OLFM2: variants seen among roughly 807,000 people sequenced by gnomAD.
OLFM2 encodes the protein noelin-2.
In OLFM2, 20 loss-of-function variants were observed where a neutral mutation model predicts 43.9. The observed-to-expected ratio is 0.46, with a 90% CI of 0.32 to 0.66. OLFM2 has a LOEUF of 0.66. Among genes scored for constraint, OLFM2 ranks in the 30% least tolerant of loss-of-function variants. The pLI is 0.04. For synonymous variants in OLFM2, 268 were observed against 278.6 expected (o/e 0.96, Z 0.38); for missense variants, 416 against 643.6 (o/e 0.65, Z 3.83).
At chr19:9,896,514 G>A (rs7255687) in intron 1 of OLFM2, among the ~76,000 whole-genome samples, 95,293 of 151,914 alleles carry the variant, frequency 0.63, 32,141 homozygotes, top group Non-Finnish European at 0.75. Flanking sequence ...CTCCCACCCC[G>A]GCCTCCGAAA....
intron 1 of OLFM2, among the ~76,000 whole-genome samples, chr19:9,866,147 G>C (rs2046401208): frequency 6.6e-6 from 1 of 152,218 alleles, no homozygotes; most frequent in Non-Finnish European, 1.5e-5. Context: ...GTTCTCTGCA[G>C]CAGTGTAATT....
intron 1 of OLFM2, among the ~76,000 whole-genome samples, chr19:9,920,509 G>C (rs1348011059): frequency 6.6e-6 from 1 of 152,096 alleles, no homozygotes; most frequent in Non-Finnish European, 1.5e-5. Context: ...ACCAGAGCCA[G>C]CTAATCCTGA....
intron 1 of OLFM2, among the ~76,000 whole-genome samples, chr19:9,887,481 CTCTCTT>C (rs1485836607): frequency 6.6e-6 from 1 of 152,044 alleles, no homozygotes; most frequent in Non-Finnish European, 1.5e-5. Context: ...ACCGCCCACC[CTCTCTT>C]TCTCTTATAC....
At chr19:9,861,741 T>G (rs12609594) in intron 1 of OLFM2, among the ~76,000 whole-genome samples, 66,352 of 152,152 alleles carry the variant, frequency 0.44, 16,248 homozygotes, top group Admixed American at 0.55. Flanking sequence ...CAGGGAACTC[T>G]AGACACAAAT....
At chr19:9,884,048 G>C (rs2046564387) in intron 1 of OLFM2, among the ~76,000 whole-genome samples, 1 of 151,298 alleles carries the variant, frequency 6.6e-6, no homozygotes, top group Non-Finnish European at 1.5e-5. Flanking sequence ...TGAAAGGATG[G>C]CTTGAGCCCA....
At chr19:9,918,124 C>T (rs547071298) in intron 1 of OLFM2, among the ~76,000 whole-genome samples, 2 of 152,094 alleles carry the variant, frequency 1.3e-5, no homozygotes, top group African/African-American at 4.8e-5. Context: ...AGAGATCCAC[C>T]CACCTCGGCC....
intron 2 of OLFM2, chr19:9,858,198 T>G: frequency 2.6e-6 from 1 of 392,102 alleles, no homozygotes; most frequent in South Asian, 2.1e-5. Context: ...ACCTTCCTCC[T>G]CCACAGATCC....
intron 1 of OLFM2, among the ~76,000 whole-genome samples, chr19:9,915,293 T>G (rs1429552466): frequency 6.7e-6 from 1 of 149,182 alleles, no homozygotes; most frequent in Non-Finnish European, 1.5e-5. Flanking sequence ...CCCAGGCTGG[T>G]CTCGAACCCC....
intron 1 of OLFM2, among the ~76,000 whole-genome samples, chr19:9,886,584 C>G (rs2046588921): frequency 6.6e-6 from 1 of 152,088 alleles, no homozygotes; most frequent in East Asian, 1.9e-4. Flanking sequence ...GGCAATCCAT[C>G]CTGCACAACC....
chr19:9,877,219 G>A (rs1247805035), intron 1 of OLFM2, among the ~76,000 whole-genome samples: 5 of 126,726 alleles, frequency 3.9e-5, no homozygotes, highest in South Asian at 2.6e-4. Context: ...GACAGAGTGA[G>A]ACTCCATCTC....
In OLFM2 at chr19:9,857,479, G is replaced by A. The variant is rs754702901; in HGVS notation, c.364C>T (p.Leu122=). Residue 122 remains leucine, a synonymous_variant, in exon 4 of 6, where the codon CTG becomes TTG. Coordinates refer to ENST00000264833, the MANE Select transcript of OLFM2 (RefSeq NM_058164.4). This position sits in a 1 kb window ranked among gnomAD's most constrained non-coding sequence, Gnocchi z 5.7. ...GSLSAKSFQE[L]KDRMTELLPL... ...AACAGTTCCGTCATCCTGTCCTTCA[G>A]CTCCTGTGCATCAAGATGGAACCAT... The A allele has an allele frequency of 2.5e-5, 40 of 1,613,318 alleles. No homozygotes were observed. Among genetic ancestry groups the A allele is most frequent in the Non-Finnish European group, 3.4e-5 (40 of 1,179,988 alleles).
intron 1 of OLFM2, among the ~76,000 whole-genome samples, chr19:9,890,602 G>A (rs748545534): frequency 2.6e-5 from 4 of 152,138 alleles, no homozygotes; most frequent in Non-Finnish European, 4.4e-5. Context: ...GTGTGGCCAC[G>A]TGACTTCCTT....
chr19:9,873,206 AATCACGGCGCG>A (rs1212742879), intron 1 of OLFM2, among the ~76,000 whole-genome samples: 1 of 152,056 alleles, frequency 6.6e-6, no homozygotes, highest in Non-Finnish European at 1.5e-5. Context: ...GCAGTGGTGT[AATCACGGCGCG>A]ATCACTGCTC....
At chr19:9,867,695 A>G (rs1024186914) in intron 1 of OLFM2, among the ~76,000 whole-genome samples, 2 of 152,040 alleles carry the variant, frequency 1.3e-5, no homozygotes, top group African/African-American at 4.8e-5. Context: ...GGGATTAGAT[A>G]TTTTTGGAGG....
Position 9,857,728 on chromosome 19 carries a change from G to A in OLFM2, c.347C>T (p.Ala116Val). 1 of 1,614,152 alleles carries A rather than the reference G, an allele frequency of 6.2e-7. No homozygotes were observed. The highest frequency in any genetic ancestry group is 8.5e-7 in the Non-Finnish European group (1 of 1,180,024). ...AGGAGGACCCACCTGGAAGCTCTTGGCCGAGAGGGACCCATCAGCTGCCCG... is the reference window on the plus strand; with the variant it reads ...AGGAGGACCCACCTGGAAGCTCTTGACCGAGAGGGACCCATCAGCTGCCCG... ...RLRAADGSLS[A>V]KSFQELKDRM... The change falls in exon 3 of 6, where the codon GCC becomes GTC. Residue 116 changes from alanine (A) to valine (V), a missense_variant. Transcript: ENST00000264833. The surrounding 1 kb of genome is among the most constrained non-coding windows in gnomAD (Gnocchi z 5.7).
chr19:9,875,683 T>TTTTG (rs34911920), intron 1 of OLFM2, among the ~76,000 whole-genome samples: 18,655 of 150,614 alleles, frequency 0.12, 1,350 homozygotes, highest in Middle Eastern at 0.21. Context: ...TTCTTTTGTT[T>TTTTG]TTTGTTTGTT....
At chr19:9,892,451 C>T (rs896572326) in intron 1 of OLFM2, among the ~76,000 whole-genome samples, 4 of 152,166 alleles carry the variant, frequency 2.6e-5, no homozygotes, top group Non-Finnish European at 4.4e-5. Flanking sequence ...TGCCTCACGC[C>T]TGTAATCCCA....
At position 9,854,042 on chromosome 19, in the gene OLFM2, G is replaced by T; in HGVS notation, c.*144C>A. ...TGAAAAAATAGACAGAAATACATAG[G>T]CAGAGAACAAAAGCCCAGCAAAAAG... On this transcript the variant is annotated 3_prime_UTR_variant, in exon 6 of 6. Coordinates refer to ENST00000264833, the MANE Select transcript of OLFM2 (RefSeq NM_058164.4). The surrounding 1 kb of genome is among the most constrained non-coding windows in gnomAD (Gnocchi z 9.5). 1.5e-6 allele frequency: 1 copy of T among 676,218 alleles called. No homozygotes were observed. Among genetic ancestry groups the T allele is most frequent in the Non-Finnish European group, 2.5e-6 (1 of 397,290 alleles). 41.9% of individuals were successfully genotyped at this position (676,218 alleles called of 1,614,324 possible).
intron 1 of OLFM2, among the ~76,000 whole-genome samples, chr19:9,883,652 C>T (rs142323775): frequency 1.9e-3 from 294 of 152,212 alleles, no homozygotes; most frequent in Non-Finnish European, 3.3e-3. Flanking sequence ...GCATTGTACC[C>T]GCCAGCGCCT....
Sources: allele counts gnomAD v4.1 joint callset (sites outside exome capture counted in the v4.1 genomes callset), GRCh38; gene constraint gnomAD v4.1.1; non-coding constraint Gnocchi (gnomAD v3.1); transcripts MANE v1.5; gene names NCBI Gene and HGNC (gene_info 2026-07-23, HGNC 2026-07-21).